The following DCDC1 variants were observed in gnomAD, a reference collection of about 807,000 sequenced individuals.
DCDC1 encodes doublecortin domain containing 1.
A neutral mutation model predicts 178.3 loss-of-function variants in DCDC1; 200 were observed. The observed-to-expected ratio is 1.12, with a 90% CI of 1.00 to 1.26. The LOEUF is 1.26. Ranked by LOEUF, DCDC1 falls within the 50% of genes most tolerant of loss-of-function variation. DCDC1 has a pLI of 0.00. For missense variants in DCDC1, 1,983 were observed against 1,749.2 expected (o/e 1.13, Z -2.38); for synonymous variants, 690 against 604.8 (o/e 1.14, Z -2.07).
chr11:31,028,292 T>C (rs1485103919), intron 20 of DCDC1, among the ~76,000 whole-genome samples: 1 of 151,866 alleles, frequency 6.6e-6, no homozygotes, highest in African/African-American at 2.4e-5. Flanking sequence ...ATTATCCAAA[T>C]ACTTTTTTTA....
chr11:31,030,178 T>C (rs1000816421), intron 20 of DCDC1, among the ~76,000 whole-genome samples: 5 of 151,844 alleles, frequency 3.3e-5, no homozygotes, highest in Admixed American at 6.6e-5. Flanking sequence ...TTATCTTTCA[T>C]AGGATTTCTT....
intron 8 of DCDC1, among the ~76,000 whole-genome samples, chr11:31,246,051 T>G (rs1943537886): frequency 6.6e-6 from 1 of 151,832 alleles, no homozygotes; most frequent in Non-Finnish European, 1.5e-5. Flanking sequence ...GGAATATATA[T>G]CCCTCTCCAA....
intron 23 of DCDC1, among the ~76,000 whole-genome samples, chr11:30,923,401 C>CT (rs10637054): frequency 0.048 from 6,214 of 130,526 alleles, 272 homozygotes; most frequent in African/African-American, 0.11. Flanking sequence ...TCCTCTTCTC[C>CT]TTTTTTTTTT....
intron 22 of DCDC1, among the ~76,000 whole-genome samples, chr11:30,926,576 A>G (rs1322099512): frequency 2.0e-5 from 3 of 152,202 alleles, no homozygotes. Context: ...TTTCTAAACA[A>G]TACTGTGAGG....
At chr11:31,173,155 A>C (rs1967480008) in intron 9 of DCDC1, among the ~76,000 whole-genome samples, 1 of 152,224 alleles carries the variant, frequency 6.6e-6, no homozygotes, top group African/African-American at 2.4e-5. Flanking sequence ...ACATAATTTT[A>C]AATGTATAAA....
intron 9 of DCDC1, among the ~76,000 whole-genome samples, chr11:31,234,869 C>A (rs895562911): frequency 6.6e-6 from 1 of 151,968 alleles, no homozygotes; most frequent in Non-Finnish European, 1.5e-5. Flanking sequence ...GGGAATCTAT[C>A]AAACACACTC....
intron 1 of DCDC1, among the ~76,000 whole-genome samples, chr11:31,349,983 G>A (rs1187799649): frequency 6.6e-6 from 1 of 152,078 alleles, no homozygotes; most frequent in East Asian, 1.9e-4. Flanking sequence ...GCTTCTTATT[G>A]TGATTAAAGC....
intron 10 of DCDC1, among the ~76,000 whole-genome samples, chr11:31,135,458 G>A (rs1055610456): frequency 3.3e-5 from 5 of 152,114 alleles, no homozygotes; most frequent in South Asian, 2.1e-4. Context: ...AACTCACCTG[G>A]CAAGAGAGTT....
At chr11:30,985,490 C>T (rs1019319228) in intron 20 of DCDC1, among the ~76,000 whole-genome samples, 3 of 151,954 alleles carry the variant, frequency 2.0e-5, no homozygotes, top group Non-Finnish European at 4.4e-5. Context: ...AGATATAATT[C>T]ACATAAAGTA....
intron 11 of DCDC1, among the ~76,000 whole-genome samples, chr11:31,118,671 G>A (rs930416479): frequency 1.3e-5 from 2 of 152,216 alleles, no homozygotes; most frequent in East Asian, 3.9e-4. Flanking sequence ...GAGAGTGTGT[G>A]CCTGCAACAG....
intron 20 of DCDC1, among the ~76,000 whole-genome samples, chr11:31,047,669 T>C (rs1171024834): frequency 1.3e-5 from 2 of 152,194 alleles, no homozygotes; most frequent in African/African-American, 4.8e-5. Flanking sequence ...CTATAGTTTG[T>C]CACTACTAAG....
chr11:30,971,288 A>G (rs1949762582), intron 20 of DCDC1, among the ~76,000 whole-genome samples: 1 of 152,222 alleles, frequency 6.6e-6, no homozygotes, highest in Non-Finnish European at 1.5e-5. Flanking sequence ...CAAAAGAACA[A>G]AAGAACACAA....
Position 30,931,835 on chromosome 11 carries a change from C to T in DCDC1, c.2833G>A (p.Glu945Lys), listed in dbSNP as rs771340751. 1 of 1,613,006 alleles carries T rather than the reference C, an allele frequency of 6.2e-7. No homozygotes were observed. Among genetic ancestry groups the T allele is most frequent in the Non-Finnish European group, 8.5e-7 (1 of 1,179,342 alleles). ...GTAACGGATCTGTTTTTATTCTTCT[C>T]TCCATTCTGCAAAACTCTGAGTCGC... ...PVRLRVLQNG[E>K]KNKNRSVTIL... is the part of the protein sequence containing the mutation. Residue 945 changes from glutamate to lysine, a missense_variant, in exon 22 of 39, where the codon GAG becomes AAG. Glu to Lys is a moderately conservative substitution (Grantham distance 56, BLOSUM62 1). Transcript: ENST00000684477.
At chr11:31,321,490 G>A (rs866258644) in intron 3 of DCDC1, among the ~76,000 whole-genome samples, 106 of 152,216 alleles carry the variant, frequency 7.0e-4, no homozygotes, top group African/African-American at 2.5e-3. Flanking sequence ...CCCAGGTGAG[G>A]CAATGCCTCG....
Position 31,134,910 on chromosome 11 carries a change from C to G in DCDC1, c.1314+2782G>C, listed in dbSNP as rs1962932324. Reference sequence around the variant, plus strand: ...ACTCAGGAGGCTGAAGCAAGAGGATCACTTGTGCCCAGGAGTTCAAGGCTG... The same window carrying G: ...ACTCAGGAGGCTGAAGCAAGAGGATGACTTGTGCCCAGGAGTTCAAGGCTG... On this transcript the variant is annotated intron_variant, in intron 10 of 38. Coordinates refer to ENST00000684477, the MANE Select transcript of DCDC1 (RefSeq NM_001387274.1). Among the ~76,000 whole-genome samples the G allele has an allele frequency of 2.0e-5, 3 of 152,154 alleles. No homozygotes were observed. The South Asian group carries it at 6.2e-4, about 32-fold the overall frequency.
At chr11:31,200,427 T>A (rs1305195882) in intron 9 of DCDC1, among the ~76,000 whole-genome samples, 1 of 151,912 alleles carries the variant, frequency 6.6e-6, no homozygotes, top group Non-Finnish European at 1.5e-5. Context: ...AAAGAAAAAG[T>A]GAAAGGATTT....
intron 38 of DCDC1, among the ~76,000 whole-genome samples, chr11:30,877,171 G>C (rs1465322209): frequency 6.6e-6 from 1 of 152,134 alleles, no homozygotes. Flanking sequence ...TGCAGACTGG[G>C]AGTAAATACT....
intron 20 of DCDC1, among the ~76,000 whole-genome samples, chr11:31,023,522 G>A (rs913627601): frequency 2.0e-5 from 3 of 151,852 alleles, no homozygotes; most frequent in Non-Finnish European, 4.4e-5. Flanking sequence ...GAGGAGAGAC[G>A]CAGAAAGAGA....
At chr11:31,030,335 G>C (rs1373934763) in intron 20 of DCDC1, among the ~76,000 whole-genome samples, 7 of 151,780 alleles carry the variant, frequency 4.6e-5, no homozygotes, top group Admixed American at 4.6e-4. Flanking sequence ...CATAAATTAA[G>C]GGCCCTTTCA....
Sources: allele counts gnomAD v4.1 joint callset (sites outside exome capture counted in the v4.1 genomes callset), GRCh38; gene constraint gnomAD v4.1.1; transcripts MANE v1.5; gene names NCBI Gene and HGNC (gene_info 2026-07-23, HGNC 2026-07-21).